CNIH3: variants seen among roughly 807,000 people sequenced by gnomAD.
The protein encoded by CNIH3 is protein cornichon homolog 3.
In CNIH3, 14 loss-of-function variants were observed where a neutral mutation model predicts 24.1. The observed-to-expected ratio is 0.58, with a 90% confidence interval of 0.38 to 0.91. The LOEUF is 0.91. CNIH3 is among the 40% of genes least tolerant of loss of function. The pLI is 0.00. For missense variants in CNIH3, 178 were observed against 196.8 expected (o/e 0.90, Z 0.57); for synonymous variants, 68 against 73.8 (o/e 0.92, Z 0.40).
At chr1:224,679,126 A>T in intron 1 of CNIH3, among the ~76,000 whole-genome samples, 1 of 152,336 alleles carries the variant, frequency 6.6e-6, no homozygotes, top group Middle Eastern at 3.4e-3. Context: ...ATTTAAAAAA[A>T]TGTTAAAAAC....
intron 3 of CNIH3, among the ~76,000 whole-genome samples, chr1:224,605,414 C>T (rs1037947608): frequency 9.9e-5 from 15 of 152,176 alleles, no homozygotes; most frequent in African/African-American, 3.6e-4. Context: ...TGGGGTGGGC[C>T]AAGCTAACTT....
chr1:224,686,078 A>G (rs1388827944), intron 3 of CNIH3, among the ~76,000 whole-genome samples: 1 of 151,642 alleles, frequency 6.6e-6, no homozygotes, highest in Non-Finnish European at 1.5e-5. Flanking sequence ...ACATATGTAT[A>G]CATGTGCCAT....
chr1:224,664,425 T>C (rs1326886017), intron 1 of CNIH3, among the ~76,000 whole-genome samples: 1 of 152,222 alleles, frequency 6.6e-6, no homozygotes, highest in Non-Finnish European at 1.5e-5. Context: ...TGAAGCACAT[T>C]CAAAATTTGG....
At chr1:224,535,523 T>C (rs1679248894) in intron 2 of CNIH3, among the ~76,000 whole-genome samples, 1 of 152,262 alleles carries the variant, frequency 6.6e-6, no homozygotes, top group Non-Finnish European at 1.5e-5. Context: ...CATTTTCTAA[T>C]GTTACTGTAC....
intron 1 of CNIH3, among the ~76,000 whole-genome samples, chr1:224,473,602 C>A (rs1676453786): frequency 6.6e-6 from 1 of 151,920 alleles, no homozygotes; most frequent in Non-Finnish European, 1.5e-5. Context: ...GAGGATATAA[C>A]AATTATCAAT....
chr1:224,552,826 G>GGTAGAC (rs1186544871), intron 3 of CNIH3, among the ~76,000 whole-genome samples: 3 of 149,890 alleles, frequency 2.0e-5, no homozygotes, highest in African/African-American at 7.3e-5. Context: ...TATCACAGAG[G>GGTAGAC]GTAGACATTG....
intron 1 of CNIH3, among the ~76,000 whole-genome samples, chr1:224,631,386 A>G (rs2125078792): frequency 6.6e-6 from 1 of 152,196 alleles, no homozygotes. Context: ...TCCCACCACT[A>G]ATCAGTGGCT....
intron 4 of CNIH3, among the ~76,000 whole-genome samples, chr1:224,580,562 G>A (rs1681230107): frequency 6.6e-6 from 1 of 152,136 alleles, no homozygotes; most frequent in Non-Finnish European, 1.5e-5. Flanking sequence ...AAAAGGAGGG[G>A]TAGGCCAGTA....
intron 1 of CNIH3, among the ~76,000 whole-genome samples, chr1:224,672,551 A>T (rs1572698181): frequency 6.6e-6 from 1 of 152,164 alleles, no homozygotes; most frequent in Non-Finnish European, 1.5e-5. Flanking sequence ...TTCCCAGCTA[A>T]TGGTGGCTCC....
chr1:224,622,553 A>C (rs1683332397), intron 1 of CNIH3, among the ~76,000 whole-genome samples: 1 of 152,224 alleles, frequency 6.6e-6, no homozygotes, highest in African/African-American at 2.4e-5. Context: ...AGAGGAGAGG[A>C]GAGAAGTGTG....
At chr1:224,492,563 A>G (rs1001082726) in intron 1 of CNIH3, among the ~76,000 whole-genome samples, 7 of 152,354 alleles carry the variant, frequency 4.6e-5, no homozygotes, top group Admixed American at 3.9e-4. Context: ...TATAGATAAA[A>G]TCTATTAATA....
rs1398626143 is a variant in CNIH3, at chr1:224,606,019, A to G, written n.402+39755A>G. ...TCGTTTACTCAGCTCACAGCTCTCA[A>G]CGCCTCTCAGGAAGGGGAACATGTA... is the stretch of plus-strand genomic sequence containing the variant. On this transcript the variant is annotated intron_variant and non_coding_transcript_variant, in intron 3 of 7. Coordinates refer to the CNIH3 transcript ENST00000478120. 3.3e-5 allele frequency among the ~76,000 whole-genome samples: 5 copies of G among 152,110 alleles called. No individual in the cohort carries two copies. In the East Asian group the frequency reaches 7.7e-4, roughly 23 times the overall value.
chr1:224,472,379 G>T (rs1191044248), intron 1 of CNIH3, among the ~76,000 whole-genome samples: 4 of 152,126 alleles, frequency 2.6e-5, no homozygotes, highest in African/African-American at 9.7e-5. Flanking sequence ...TATGGAACCT[G>T]CCCAAATGTC....
rs1685606491 is a variant in CNIH3 at position 224,666,548 on chromosome 1, G to C, written c.82-14410G>C. The stretch of plus-strand genomic sequence containing the variant: ...TTTCTGCAGGTGATCATTAGAGTGG[G>C]CACTTGTCTTAGGAGCCCATGGAGG... On this transcript the variant is annotated intron_variant, in intron 1 of 5. Transcript: ENST00000272133. 3.9e-5 allele frequency among the ~76,000 whole-genome samples: 6 copies of C among 152,268 alleles called. No homozygotes were observed. The South Asian group carries it at 1.2e-3, about 32-fold the overall frequency.
chr1:224,711,455 G>A (rs552912348), intron 3 of CNIH3, among the ~76,000 whole-genome samples: 1 of 151,792 alleles, frequency 6.6e-6, no homozygotes, highest in Non-Finnish European at 1.5e-5. Context: ...TGAGTAGCTA[G>A]GATTATAGGC....
upstream of CNIH3, chr1:224,513,744 C>T (rs892015248): frequency 6.6e-6 from 1 of 152,274 alleles, no homozygotes; most frequent in African/African-American, 2.4e-5. Context: ...GATCTGTCTT[C>T]TTAACAGTCA....
At chr1:224,463,779 T>TA (rs1344112017) in intron 1 of CNIH3, among the ~76,000 whole-genome samples, 15 of 54,734 alleles carry the variant, frequency 2.7e-4, no homozygotes, top group African/African-American at 9.5e-4. Flanking sequence ...CCTCATTTTT[T>TA]TTTTTTTTTT....
intron 5 of CNIH3, chr1:224,588,333 A>G (rs1681597898): frequency 6.6e-6 from 1 of 152,224 alleles, no homozygotes; most frequent in Non-Finnish European, 1.5e-5. Flanking sequence ...TTTCTTGTAT[A>G]TTTTAAAGGC....
intron 3 of CNIH3, among the ~76,000 whole-genome samples, chr1:224,705,151 T>C (rs1024866589): frequency 2.6e-5 from 4 of 151,926 alleles, no homozygotes; most frequent in Non-Finnish European, 4.4e-5. Flanking sequence ...AGACATTGCA[T>C]CTAGTTGTTG....
Sources: allele counts gnomAD v4.1 joint callset (sites outside exome capture counted in the v4.1 genomes callset), GRCh38; gene constraint gnomAD v4.1.1; transcripts MANE v1.5; gene names NCBI Gene and HGNC (gene_info 2026-07-23, HGNC 2026-07-21).